Variants in ITSN2 observed in about 807,000 individuals in gnomAD.
The protein encoded by ITSN2 is intersectin-2.
Under a neutral mutation model 243.7 loss-of-function variants are expected in ITSN2, and 156 were observed. The ratio of observed to expected loss-of-function variants is 0.64; its 90% CI spans 0.56 to 0.73. ITSN2 has a LOEUF of 0.73. ITSN2 is among the 30% of genes least tolerant of loss of function. ITSN2 has a pLI of 0.00. For synonymous variants in ITSN2, 703 were observed against 699.9 expected, an observed-to-expected ratio of 1.00 and a Z score of -0.07; for missense variants, 1,801 against 1,996.1, an observed-to-expected ratio of 0.90 and a Z score of 1.86.
At chr2:24,350,074 C>T (rs925994649) in intron 1 of ITSN2, among the ~76,000 whole-genome samples, 11 of 152,152 alleles carry the variant, frequency 7.2e-5, no homozygotes, top group Non-Finnish European at 1.5e-5. Context: ...GTTGTGAATA[C>T]TAAATTTCAG....
chr2:24,319,755 A>G (rs2250080), intron 2 of ITSN2, among the ~76,000 whole-genome samples: 149,198 of 152,338 alleles, frequency 0.98, 73,061 homozygotes, highest in East Asian at 0.99. Flanking sequence ...CCACGGCAGT[A>G]GGGGTTGCAG....
chr2:24,226,783 T>C (rs1308442776), intron 29 of ITSN2, among the ~76,000 whole-genome samples: 1 of 152,190 alleles, frequency 6.6e-6, no homozygotes, highest in Non-Finnish European at 1.5e-5. Context: ...GGAATCAATA[T>C]TACTGTAGAA....
At position 24,208,411 on chromosome 2, in the gene ITSN2, T is replaced by A. The variant is rs1020364267; in HGVS notation, c.4596-92A>T. ...GCTCTGCACATGTTCTTCAGTCTTT[T>A]GCTAACCTCAACTTTCACAAGTTTC... is the stretch of plus-strand genomic sequence containing the variant. On this transcript the variant is annotated intron_variant, in intron 36 of 39. Transcript: ENST00000355123. The A allele has an allele frequency of 4.3e-6, 4 of 930,336 alleles. No homozygotes were observed. In the Admixed American group the frequency reaches 8.3e-5, roughly 19 times the overall value. The allele number at this position is 930,336 out of a possible 1,614,324, so 57.6% of individuals were successfully genotyped here.
At chr2:24,311,783 T>A (rs1439868632) in intron 5 of ITSN2, 1 of 167,462 alleles carries the variant, frequency 6.0e-6, no homozygotes, top group African/African-American at 2.4e-5. Context: ...TTTAAAAAAA[T>A]TCAACTTACA....
chr2:24,205,205 A>G lies in ITSN2; in HGVS notation c.4762+9T>C. The G allele has an allele frequency of 6.2e-7, 1 of 1,610,976 alleles. No homozygotes were observed. The highest frequency in any genetic ancestry group is 8.5e-7 in the Non-Finnish European group (1 of 1,177,252). The stretch of plus-strand genomic sequence containing the variant: ...TTATGTCTGCTGAATGAATCAAGGC[A>G]GTATTTACCATTTGGTTTGCAGGCT... On this transcript the variant is annotated intron_variant, in intron 38 of 39. Transcript: ENST00000355123.
intron 15 of ITSN2, among the ~76,000 whole-genome samples, chr2:24,288,143 AG>A (rs1167646888): frequency 1.3e-5 from 2 of 152,058 alleles, no homozygotes; most frequent in Non-Finnish European, 2.9e-5. Context: ...GTTTTCTTCT[AG>A]GAGTTTTACG....
intron 4 of ITSN2, among the ~76,000 whole-genome samples, 157 bp from the exon 5 acceptor site, chr2:24,312,532 A>G (rs973605257): frequency 2.6e-5 from 4 of 152,240 alleles, no homozygotes; most frequent in African/African-American, 7.2e-5. Flanking sequence ...TATAATAACA[A>G]AAAGATAAAA....
chr2:24,344,321 G>T (rs1055792932), intron 1 of ITSN2, among the ~76,000 whole-genome samples: 3 of 152,264 alleles, frequency 2.0e-5, no homozygotes, highest in African/African-American at 7.2e-5. Context: ...ACTTCTAGAA[G>T]TAGAATTAAT....
chr2:24,209,318 G>A, intron 35 of ITSN2, 97 bp from the exon 36 acceptor site: 1 of 1,450,534 alleles, frequency 6.9e-7, no homozygotes, highest in Non-Finnish European at 9.5e-7. Flanking sequence ...GAAGAGCCTT[G>A]TTGAGAAGGA....
At chr2:24,210,279 A>T (rs2151097293) in intron 34 of ITSN2, 1 of 501,642 alleles carries the variant, frequency 2.0e-6, no homozygotes, top group South Asian at 2.5e-5. Flanking sequence ...AAAGAACTCA[A>T]AACAAAAAAT....
At chr2:24,361,253 C>T (rs570252141), upstream of ITSN2, among the ~76,000 whole-genome samples, 2 of 152,240 alleles carry the variant, frequency 1.3e-5, no homozygotes, top group South Asian at 4.1e-4. Context: ...AAGGGACAGG[C>T]GAAGCTCCTA....
At chr2:24,264,430 A>ATTTT (rs35259448) in intron 20 of ITSN2, among the ~76,000 whole-genome samples, 34 of 151,756 alleles carry the variant, frequency 2.2e-4, no homozygotes, top group Admixed American at 5.9e-4. Flanking sequence ...TATTTATTAG[A>ATTTT]TTGTCATAGC....
chr2:24,334,578 G>T, intron 1 of ITSN2: 1 of 996,890 alleles, frequency 1.0e-6, no homozygotes, highest in Non-Finnish European at 1.6e-6. Context: ...ACCCTGCAAA[G>T]TGACACAGTA....
At chr2:24,235,553 G>C (rs1042454078) in intron 29 of ITSN2, among the ~76,000 whole-genome samples, 1 of 152,116 alleles carries the variant, frequency 6.6e-6, no homozygotes, top group Non-Finnish European at 1.5e-5. Context: ...TGTTGTTAAT[G>C]GGGGAGGCTA....
intron 27 of ITSN2, among the ~76,000 whole-genome samples, chr2:24,248,384 T>C (rs1250319960): frequency 6.6e-6 from 1 of 152,172 alleles, no homozygotes; most frequent in Non-Finnish European, 1.5e-5. Context: ...AATGCATTAT[T>C]GGAAAACAAT....
At chr2:24,295,588 C>A in intron 14 of ITSN2, 76 bp downstream of exon 14, 1 of 1,179,702 alleles carries the variant, frequency 8.5e-7, no homozygotes, top group Non-Finnish European at 1.1e-6. Context: ...GCATTACAGC[C>A]GTGAGCCACC....
chr2:24,353,831 C>T (rs1478959763), intron 1 of ITSN2, among the ~76,000 whole-genome samples: 9 of 151,948 alleles, frequency 5.9e-5, no homozygotes, highest in Admixed American at 5.9e-4. Flanking sequence ...AAAGATATGG[C>T]AGCATTAGTA....
chr2:24,258,496 CCTCT>C (rs1285257572), intron 22 of ITSN2, among the ~76,000 whole-genome samples: 1 of 152,072 alleles, frequency 6.6e-6, no homozygotes, highest in Non-Finnish European at 1.5e-5. Flanking sequence ...TGCTTGGCTC[CCTCT>C]GTTTCTCTGC....
At chr2:24,265,310 G>GTCTTGCAAA (rs2151423286) in intron 20 of ITSN2, among the ~76,000 whole-genome samples, 1 of 152,186 alleles carries the variant, frequency 6.6e-6, no homozygotes, top group East Asian at 1.9e-4. Flanking sequence ...CAATAAACAG[G>GTCTTGCAAA]TCTTGCAAAT....
Sources: allele counts gnomAD v4.1 joint callset (sites outside exome capture counted in the v4.1 genomes callset), GRCh38; gene constraint gnomAD v4.1.1; transcripts MANE v1.5; gene names NCBI Gene and HGNC (gene_info 2026-07-23, HGNC 2026-07-21).